Variants in TNRC18 observed in about 807,000 individuals in gnomAD.
The protein encoded by TNRC18 is trinucleotide repeat containing 18, also known as trinucleotide repeat-containing gene 18 protein.
In TNRC18, 69 loss-of-function variants were observed where a neutral mutation model predicts 226.7. The observed-to-expected ratio is 0.30, with a 90% confidence interval of 0.25 to 0.37. The LOEUF is 0.37. Ranked by LOEUF, TNRC18 falls within the 10% of genes least tolerant of loss-of-function variation. The probability of loss-of-function intolerance (pLI) is 1.00; values close to 1 mark genes in which losing one functional copy is unlikely to be tolerated. For missense variants in TNRC18, 4,754 were observed against 4,256.6 expected (o/e 1.12, Z -3.25); for synonymous variants, 2,449 against 1,927.6 (o/e 1.27, Z -7.09).
rs563720153 is a variant in TNRC18, at chr7:5,362,703, G to A, written c.4342C>T (p.Arg1448Trp). 8 of 1,583,202 alleles carry A rather than the reference G, an allele frequency of 5.1e-6. No homozygotes were observed. The highest frequency in any genetic ancestry group is 1.3e-5 in the African/African-American group (1 of 74,204). ...VDPLKNLRLP[R>W]ELKPNKKYSW... ...TACTTCTTGTTGGGCTTCAGCTCCC[G>A]CGGGAGCCGCAGGTTCTTGAGTGGG... is the stretch of plus-strand genomic sequence containing the variant. Residue 1448 changes from arginine (R) to tryptophan (W), a missense_variant, in exon 12 of 30, where the codon CGG becomes TGG. By Grantham distance (101) the Arg-to-Trp change is moderately radical. Coordinates refer to ENST00000430969, the MANE Select transcript of TNRC18 (RefSeq NM_001080495.3).
At position 5,306,858 on chromosome 7, in the gene TNRC18, C is replaced by CA. The variant is rs1786558981; in HGVS notation, c.*1247dup. 2 of 142,296 alleles carry CA rather than the reference C, an allele frequency of 1.4e-5. No homozygotes were observed. Among genetic ancestry groups the CA allele is most frequent in the South Asian group, 2.3e-4 (1 of 4,342 alleles). The allele number at this position is 142,296 out of a possible 1,614,324, so 8.8% of individuals were successfully genotyped here. On this transcript the variant is annotated 3_prime_UTR_variant, in exon 30 of 30. Transcript: ENST00000430969. ...AGATCACACAGAATTTGCCAACAAA[C>CA]AAAATTCCAAAAGAAACATAAAAAA... is the stretch of plus-strand genomic sequence containing the variant.
chr7:5,418,106 C>T (rs917074632), intron 2 of TNRC18, among the ~76,000 whole-genome samples: 1 of 152,192 alleles, frequency 6.6e-6, no homozygotes, highest in Non-Finnish European at 1.5e-5. Context: ...GGAGAATAAA[C>T]ATCCAAGTAC....
chr7:5,408,298 C>CAAAAAA (rs55756995), intron 2 of TNRC18, among the ~76,000 whole-genome samples: 9 of 72,484 alleles, frequency 1.2e-4, no homozygotes, highest in African/African-American at 4.5e-4. Flanking sequence ...ACTTCCGTCT[C>CAAAAAA]AAAAAAAAAA....
rs1181111512 is a variant in TNRC18 at position 5,309,374 on chromosome 7, A to G, written c.8389-6T>C. 1 of 1,605,290 alleles carries G rather than the reference A, an allele frequency of 6.2e-7. No individual in the cohort carries two copies. ...TTGCCCTTCATGCCACGCCGCTGCA[A>G]GGACACGTGTGTCACGGCACAGGCC... On this transcript the variant is annotated splice_region_variant and splice_polypyrimidine_tract_variant and intron_variant, in intron 27 of 29. Transcript: ENST00000430969. The surrounding 1 kb of genome is among the most constrained non-coding windows in gnomAD (Gnocchi z 5.7).
Position 5,374,462 on chromosome 7 carries a change from T to C in TNRC18, c.2822A>G (p.Glu941Gly). Residue 941 changes from glutamate to glycine, a missense_variant, in exon 10 of 30, where the codon GAG becomes GGG. Transcript: ENST00000430969. ...QLVQERLKAQEHRAEMEEKGS... is the reference protein window; with the variant it reads ...QLVQERLKAQGHRAEMEEKGS... ...CTTCTCTTCCATCTCCGCCCGGTGCTCCTGCGCCTTCAACCGCTCCTGCTG... is the reference window on the plus strand; with the variant it reads ...CTTCTCTTCCATCTCCGCCCGGTGCCCCTGCGCCTTCAACCGCTCCTGCTG... 6.5e-7 allele frequency: 1 copy of C among 1,546,642 alleles called. No individual in the cohort carries two copies. Among genetic ancestry groups the C allele is most frequent in the Non-Finnish European group, 8.7e-7 (1 of 1,145,476 alleles).
Position 5,394,917 on chromosome 7 carries a change from G to A in TNRC18, c.188-322C>T, listed in dbSNP as rs543873234. Among the ~76,000 whole-genome samples the A allele has an allele frequency of 2.4e-4, 36 of 152,230 alleles. No homozygotes were observed. The highest frequency in any genetic ancestry group is 7.9e-4 in the African/African-American group (33 of 41,540). On this transcript the variant is annotated intron_variant, in intron 2 of 29. Transcript: ENST00000430969. The surrounding 1 kb of genome is among the most constrained non-coding windows in gnomAD (Gnocchi z 4.5). ...CCTGCCGCCCAACCAGCCCAGATCC[G>A]GCCCGGCACCATTCTCCCCATCTGC... is the stretch of plus-strand genomic sequence containing the variant.
Position 5,320,283 on chromosome 7 carries a change from G to A in TNRC18, c.6745+35C>T, listed in dbSNP as rs1313120916. ...CAAACAAGTCCATACTGAGATGTTA[G>A]GCGGCAGGGGAGAGCTGGGGAGGAG... On this transcript the variant is annotated intron_variant, in intron 24 of 29. Transcript: ENST00000430969. The A allele has an allele frequency of 5.3e-6, 8 of 1,503,214 alleles. No homozygotes were observed. The East Asian group carries it at 9.8e-5, about 18-fold the overall frequency. 93.1% of individuals were successfully genotyped at this position (1,503,214 alleles called of 1,614,324 possible).
chr7:5,324,698 C>T lies in TNRC18; in HGVS notation c.6301-343G>A, dbSNP rs938504287. Among the ~76,000 whole-genome samples the T allele has an allele frequency of 1.1e-4, 16 of 152,236 alleles. No individual in the cohort carries two copies. The highest frequency in any genetic ancestry group is 1.9e-4 in the Non-Finnish European group (13 of 68,036). ...ACTTCAGCAGCATCTCCAGCATTTC[C>T]ACCCAATGGGCTTGAGGAAAAACCA... On this transcript the variant is annotated intron_variant, in intron 20 of 29. Transcript: ENST00000430969. This position sits in a 1 kb window ranked among gnomAD's most constrained non-coding sequence, Gnocchi z 4.8.
In TNRC18 at chr7:5,359,503, G is replaced by A; in HGVS notation, c.4728C>T (p.His1576=). Residue 1576 remains histidine, a synonymous_variant, in exon 15 of 30, where the codon CAC becomes CAT. Transcript: ENST00000430969. ...CATCATGTTCCTCCTCAGACCCCTT[G>A]TGTCTCTTTCTTATCCCTGCTCCCA... ...YELGAGIRKR[H]KGSEEEHDAL... The A allele has an allele frequency of 1.9e-6, 3 of 1,613,980 alleles. No homozygotes were observed. Among genetic ancestry groups the A allele is most frequent in the Non-Finnish European group, 8.5e-7 (1 of 1,179,884 alleles).
At chr7:5,328,565 G>A (rs1372692257) in intron 19 of TNRC18, among the ~76,000 whole-genome samples, 1 of 151,116 alleles carries the variant, frequency 6.6e-6, no homozygotes, top group South Asian at 2.1e-4. Flanking sequence ...CTGGAGTGCA[G>A]TGGCACAATC....
rs370785454 is a variant in TNRC18 at position 5,324,260 on chromosome 7, G to A, written c.6396C>T (p.Asp2132=). ...CAGCCCCGCCACGCGGCAGGTGCTC[G>A]TCCTCAGAGAAGCTCGAGTCTTGGT... ...EPNQDSSFSE[D]EHLPRGGAVE... The change falls in exon 21 of 30, where the codon GAC becomes GAT. Residue 2132 remains aspartate (D), a synonymous_variant. Coordinates refer to ENST00000430969, the MANE Select transcript of TNRC18 (RefSeq NM_001080495.3). The surrounding 1 kb of genome is among the most constrained non-coding windows in gnomAD (Gnocchi z 4.8). 2.0e-5 allele frequency: 32 copies of A among 1,612,434 alleles called. No homozygotes were observed. Among genetic ancestry groups the A allele is most frequent in the African/African-American group, 1.3e-4 (10 of 74,920 alleles).
At chr7:5,401,656 T>C (rs1034330923) in intron 2 of TNRC18, among the ~76,000 whole-genome samples, 2 of 152,264 alleles carry the variant, frequency 1.3e-5, no homozygotes, top group African/African-American at 4.8e-5. Context: ...GGCGTTGCTC[T>C]GTACCAATAA....
At position 5,361,882 on chromosome 7, in the gene TNRC18, G is replaced by C; in HGVS notation, c.4532+15C>G. On this transcript the variant is annotated intron_variant, in intron 13 of 29. Transcript: ENST00000430969. ...GGGGCAGGGGCCCCACGGGGCGGGC[G>C]GGGGACACACTCACTCGGAGTCCCG... 6.5e-7 allele frequency: 1 copy of C among 1,541,324 alleles called. No homozygotes were observed. The highest frequency in any genetic ancestry group is 8.7e-7 in the Non-Finnish European group (1 of 1,144,462).
At chr7:5,370,236 T>C in intron 11 of TNRC18, 139 bp downstream of exon 11, 2 of 1,019,758 alleles carry the variant, frequency 2.0e-6, no homozygotes, top group African/African-American at 1.6e-5. Flanking sequence ...GGAGGGAAGA[T>C]CACTTGAGCC....
chr7:5,361,915 T>A lies in TNRC18; in HGVS notation c.4514A>T (p.Gln1505Leu), dbSNP rs1204832291. The A allele has an allele frequency of 6.3e-7, 1 of 1,587,960 alleles. No individual in the cohort carries two copies. The highest frequency in any genetic ancestry group is 1.3e-5 in the African/African-American group (1 of 74,476). ...CACTCACTCGGAGTCCCGGCGGCGC[T>A]GCAGCTTCACCAGCTCACGCTGCTT... ...KEKQRELVKL[Q>L]RRRDSEDRRE... Residue 1505 changes from glutamine (Q) to leucine (L), a missense_variant, in exon 13 of 30, where the codon CAG becomes CTG. Gln to Leu is a moderately radical substitution (Grantham distance 113, BLOSUM62 -2). Coordinates refer to ENST00000430969, the MANE Select transcript of TNRC18 (RefSeq NM_001080495.3).
chr7:5,387,763 A>T lies in TNRC18; in HGVS notation c.2061T>A (p.Ala687=). 5 of 1,608,314 alleles carry T rather than the reference A, an allele frequency of 3.1e-6. No individual in the cohort carries two copies. The highest frequency in any genetic ancestry group is 4.2e-6 in the Non-Finnish European group (5 of 1,179,826). ...CGCCACTGTCCTTCTGCCGGGCCAC[A>T]GCCACTGCAATGCCCACAGGCGGGT... The part of the protein sequence containing the change: ...VRHPPVGIAV[A]VARQKDSGGS... Residue 687 remains alanine (A), a synonymous_variant, in exon 5 of 30, where the codon GCT becomes GCA. Transcript: ENST00000430969.
At chr7:5,351,750 C>T in intron 17 of TNRC18, 69 bp downstream of exon 17, 2 of 1,470,168 alleles carry the variant, frequency 1.4e-6, no homozygotes, top group East Asian at 4.8e-5. Flanking sequence ...ACTCGCTTCC[C>T]TCTCGCTCAC....
chr7:5,361,782 G>T, intron 13 of TNRC18, 60 bp from the exon 14 acceptor site: 1 of 1,540,146 alleles, frequency 6.5e-7, no homozygotes, highest in Non-Finnish European at 8.7e-7. Context: ...GCGGAGAACG[G>T]GCACACGATG....
Position 5,308,419 on chromosome 7 carries a change from T to A in TNRC18, c.8701-107A>T, listed in dbSNP as rs144230593. 3.5e-3 allele frequency: 3,565 copies of A among 1,028,006 alleles called. 36 individuals carry two copies. The highest frequency in any genetic ancestry group is 0.032 in the African/African-American group (1,936 of 60,696). The allele number at this position is 1,028,006 out of a possible 1,614,324, so 63.7% of individuals were successfully genotyped here. ...CAGAAGCAGAGGGAGCCCCAGGGAC[T>A]GAGACAGAGACCAAGTCAGAGACAG... On this transcript the variant is annotated intron_variant, in intron 29 of 29. Transcript: ENST00000430969.
Sources: allele counts gnomAD v4.1 joint callset (sites outside exome capture counted in the v4.1 genomes callset), GRCh38; gene constraint gnomAD v4.1.1; non-coding constraint Gnocchi (gnomAD v3.1); transcripts MANE v1.5; gene names NCBI Gene and HGNC (gene_info 2026-07-23, HGNC 2026-07-21).